Variants in MAGI2 observed in about 807,000 individuals in gnomAD.
The protein encoded by MAGI2 is membrane-associated guanylate kinase, WW and PDZ domain-containing protein 2.
Under a neutral mutation model 133.3 loss-of-function variants are expected in MAGI2, and 35 were observed. The ratio of observed to expected loss-of-function variants is 0.26; its 90% CI spans 0.20 to 0.35. The LOEUF (loss-of-function observed/expected upper bound fraction) is 0.35. MAGI2 is among the 10% of genes least tolerant of loss of function. The pLI is 1.00. For missense variants in MAGI2, 1,636 were observed against 1,863.4 expected (o/e 0.88, Z 2.25); for synonymous variants, 729 against 710.6 (o/e 1.03, Z -0.41).
intron 1 of MAGI2, among the ~76,000 whole-genome samples, chr7:79,419,422 G>GAA (rs1846778905): frequency 6.6e-6 from 1 of 152,016 alleles, no homozygotes; most frequent in South Asian, 2.1e-4. Flanking sequence ...GAAAATGTGA[G>GAA]AAAGAGAGGA....
intron 2 of MAGI2, among the ~76,000 whole-genome samples, chr7:78,760,335 G>GT (rs1017859980): frequency 5.4e-5 from 8 of 149,486 alleles, no homozygotes; most frequent in African/African-American, 2.0e-4. Context: ...AGTTCTTAGA[G>GT]TCCTACAACT....
chr7:79,033,585 G>A (rs1810817948), intron 1 of MAGI2, among the ~76,000 whole-genome samples: 1 of 152,116 alleles, frequency 6.6e-6, no homozygotes, highest in African/African-American at 2.4e-5. Flanking sequence ...TCAAATGTTT[G>A]CATATCTACA....
chr7:78,386,669 T>C (rs900370541), intron 6 of MAGI2, among the ~76,000 whole-genome samples: 2 of 152,196 alleles, frequency 1.3e-5, no homozygotes, highest in Non-Finnish European at 2.9e-5. Context: ...CTGTGATTTG[T>C]ACCTCTGGTA....
At chr7:78,426,936 C>T (rs570928202) in intron 6 of MAGI2, among the ~76,000 whole-genome samples, 11 of 152,072 alleles carry the variant, frequency 7.2e-5, no homozygotes, top group Admixed American at 2.0e-4. Flanking sequence ...TTTATATGTA[C>T]GCACGTGTAA....
intron 9 of MAGI2, among the ~76,000 whole-genome samples, chr7:78,332,235 T>A (rs1562838047): frequency 6.6e-6 from 1 of 152,216 alleles, no homozygotes; most frequent in Admixed American, 6.5e-5. Flanking sequence ...GGCACCACAA[T>A]AGCATTTGGG....
At chr7:79,072,780 G>A (rs933838782) in intron 1 of MAGI2, among the ~76,000 whole-genome samples, 1 of 152,204 alleles carries the variant, frequency 6.6e-6, no homozygotes, top group Non-Finnish European at 1.5e-5. Flanking sequence ...TGCATGACAT[G>A]TAGAACACAT....
intron 6 of MAGI2, among the ~76,000 whole-genome samples, chr7:78,387,857 C>A (rs527455254): frequency 1.3e-5 from 2 of 151,852 alleles, no homozygotes; most frequent in African/African-American, 4.8e-5. Flanking sequence ...GCCCAGGAGG[C>A]GGAGGTTGCA....
At chr7:78,408,566 TG>T (rs1274696803) in intron 6 of MAGI2, among the ~76,000 whole-genome samples, 2 of 152,034 alleles carry the variant, frequency 1.3e-5, no homozygotes, top group African/African-American at 2.4e-5. Context: ...TACAGGGCAC[TG>T]CTTCTTAAAA....
At chr7:78,340,389 T>C (rs1325666623) in intron 9 of MAGI2, among the ~76,000 whole-genome samples, 3 of 152,108 alleles carry the variant, frequency 2.0e-5, no homozygotes, top group Non-Finnish European at 4.4e-5. Context: ...AAAGAGGAGA[T>C]GGTACCATTC....
chr7:78,024,121 C>G (rs1808685778), intron 21 of MAGI2, among the ~76,000 whole-genome samples: 3 of 152,198 alleles, frequency 2.0e-5, no homozygotes, highest in African/African-American at 7.2e-5. Context: ...TGACTACTTC[C>G]ATTAACAAAC....
rs1310067755 is a variant in MAGI2, at chr7:78,330,575, G to T, written c.1408+13203C>A. On this transcript the variant is annotated intron_variant, in intron 9 of 21. Coordinates refer to ENST00000354212, the MANE Select transcript of MAGI2 (RefSeq NM_012301.4). ...GGAGCCTGCAGTGAGCCGAGATTGC[G>T]CCACTGCACTCCAGCCTGGGCGACA... 7.3e-5 allele frequency among the ~76,000 whole-genome samples: 2 copies of T among 27,292 alleles called. 1 individual carries two copies. The highest frequency in any genetic ancestry group is 1.4e-4 in the Non-Finnish European group (2 of 14,138). 17.9% of individuals were successfully genotyped at this position (27,292 alleles called of 152,430 possible). A position where few individuals can be genotyped will look rare whatever the true frequency, so the allele number is the denominator to read the frequency against.
chr7:79,185,339 T>A (rs1042668938), intron 1 of MAGI2, among the ~76,000 whole-genome samples: 1 of 151,868 alleles, frequency 6.6e-6, no homozygotes, highest in African/African-American at 2.4e-5. Context: ...ATCTCTATTA[T>A]GAAAAATTTC....
At chr7:78,672,266 C>T (rs1343976485) in intron 2 of MAGI2, among the ~76,000 whole-genome samples, 4 of 151,982 alleles carry the variant, frequency 2.6e-5, no homozygotes, top group Non-Finnish European at 1.5e-5. Context: ...AGGCTGGGAC[C>T]TCCCCCCTCT....
intron 2 of MAGI2, among the ~76,000 whole-genome samples, chr7:78,782,479 T>G (rs978058710): frequency 6.6e-6 from 1 of 152,104 alleles, no homozygotes; most frequent in Non-Finnish European, 1.5e-5. Flanking sequence ...GAAACTGAGT[T>G]GGAGAGGTTC....
At chr7:78,346,144 T>C in intron 7 of MAGI2, 101 bp from the exon 8 acceptor site, 1 of 1,344,968 alleles carries the variant, frequency 7.4e-7, no homozygotes, top group Non-Finnish European at 1.0e-6. Flanking sequence ...GGCCACCTTA[T>C]CTGATTACAG....
intron 1 of MAGI2, among the ~76,000 whole-genome samples, chr7:79,401,408 G>T (rs1585848849): frequency 6.6e-6 from 1 of 152,204 alleles, no homozygotes; most frequent in East Asian, 1.9e-4. Flanking sequence ...GCAGGAGATA[G>T]AATGTCCAAA....
Position 78,126,064 on chromosome 7 carries a change from T to C in MAGI2, c.3424-227A>G, listed in dbSNP as rs372647246. 2.1e-4 allele frequency among the ~76,000 whole-genome samples: 32 copies of C among 152,316 alleles called. No homozygotes were observed. The South Asian group carries it at 6.6e-3, about 32-fold the overall frequency. ...ACTTGGTCATCAAAGAATTACTGTGTAGCTTGTTTACTTTGGTATTCATCA... is the reference window on the plus strand; with the variant it reads ...ACTTGGTCATCAAAGAATTACTGTGCAGCTTGTTTACTTTGGTATTCATCA... On this transcript the variant is annotated intron_variant, in intron 19 of 21. Coordinates refer to ENST00000354212, the MANE Select transcript of MAGI2 (RefSeq NM_012301.4).
chr7:79,017,947 A>G (rs1808901919), intron 1 of MAGI2, among the ~76,000 whole-genome samples: 1 of 152,180 alleles, frequency 6.6e-6, no homozygotes. Flanking sequence ...AAAGAGACCC[A>G]GTCTATGACT....
At chr7:78,413,946 TTGTC>T (rs1471218178) in intron 6 of MAGI2, among the ~76,000 whole-genome samples, 3 of 152,102 alleles carry the variant, frequency 2.0e-5, no homozygotes, top group Admixed American at 1.3e-4. Context: ...TAATGAAGGA[TTGTC>T]TGGCTATTAT....
Sources: allele counts gnomAD v4.1 joint callset (sites outside exome capture counted in the v4.1 genomes callset), GRCh38; gene constraint gnomAD v4.1.1; transcripts MANE v1.5; gene names NCBI Gene and HGNC (gene_info 2026-07-23, HGNC 2026-07-21).